TGFB2: variants seen among roughly 807,000 people sequenced by gnomAD.
TGFB2 encodes transforming growth factor beta 2, also known as transforming growth factor beta-2 proprotein.
A neutral mutation model predicts 42.7 loss-of-function variants in TGFB2; 13 were observed. That is an observed-to-expected ratio of 0.30 (90% confidence interval 0.20 to 0.48). The LOEUF is 0.48. TGFB2 is among the 20% of genes least tolerant of loss of function. The pLI is 0.99. For synonymous variants in TGFB2, 193 were observed against 193.6 expected, an observed-to-expected ratio of 1.00 and a Z score of 0.03; for missense variants, 390 against 517.5, an observed-to-expected ratio of 0.75 and a Z score of 2.39.
chr1:218,371,626 C>A (rs1347658860), intron 1 of TGFB2, among the ~76,000 whole-genome samples: 3 of 152,198 alleles, frequency 2.0e-5, no homozygotes, highest in Admixed American at 1.3e-4. Flanking sequence ...GAAACTCAGG[C>A]TTACCTCCAA....
intron 1 of TGFB2, among the ~76,000 whole-genome samples, chr1:218,369,256 GAAA>G (rs34825461): frequency 2.0e-4 from 7 of 35,650 alleles, no homozygotes; most frequent in African/African-American, 2.8e-4. Context: ...TTCCGTCTCA[GAAA>G]AAAAAAAAAA....
At chr1:218,421,270 A>G (rs35561400) in intron 2 of TGFB2, among the ~76,000 whole-genome samples, 1 of 152,144 alleles carries the variant, frequency 6.6e-6, no homozygotes, top group Non-Finnish European at 1.5e-5. Context: ...AGGGTAAAAT[A>G]CAGTATTAAA....
At chr1:218,410,832 T>G (rs758324545) in intron 2 of TGFB2, among the ~76,000 whole-genome samples, 1 of 152,208 alleles carries the variant, frequency 6.6e-6, no homozygotes, top group Non-Finnish European at 1.5e-5. Flanking sequence ...CCCCTGTATG[T>G]ATGATTAAAA....
chr1:218,394,792 T>A (rs1475420998), intron 1 of TGFB2, among the ~76,000 whole-genome samples: 1 of 152,228 alleles, frequency 6.6e-6, no homozygotes, highest in Non-Finnish European at 1.5e-5. Flanking sequence ...GTGTTTGGGA[T>A]GTGGTAGTGA....
chr1:218,374,658 A>G (rs1657683731), intron 1 of TGFB2, among the ~76,000 whole-genome samples: 2 of 152,230 alleles, frequency 1.3e-5, no homozygotes, highest in African/African-American at 2.4e-5. Flanking sequence ...AGCATTCTTC[A>G]TATTACAAGT....
At chr1:218,434,660 A>G (rs1436558749) in intron 4 of TGFB2, among the ~76,000 whole-genome samples, 1 of 152,236 alleles carries the variant, frequency 6.6e-6, no homozygotes, top group African/African-American at 2.4e-5. Flanking sequence ...CTCAATGCCC[A>G]GTGATGACTT....
intron 2 of TGFB2, among the ~76,000 whole-genome samples, chr1:218,409,200 G>A (rs559148137): frequency 1.6e-4 from 24 of 152,306 alleles, no homozygotes; most frequent in African/African-American, 4.3e-4. Flanking sequence ...CCTGCTGTGC[G>A]GCCCGGCTCC....
intron 1 of TGFB2, chr1:218,363,463 C>A: frequency 6.4e-7 from 1 of 1,555,722 alleles, no homozygotes; most frequent in South Asian, 1.1e-5. Context: ...ATAGTTATAT[C>A]AAATCCATCT....
chr1:218,388,821 A>G (rs1344176201), intron 1 of TGFB2, among the ~76,000 whole-genome samples: 1 of 152,192 alleles, frequency 6.6e-6, no homozygotes. Flanking sequence ...CTCTTGTCAG[A>G]GTATCAGTGC....
chr1:218,346,554 T>G lies in TGFB2; in HGVS notation c.-148T>G. On this transcript the variant is annotated 5_prime_UTR_variant, in exon 1 of 7. Transcript: ENST00000366930. The surrounding 1 kb of genome is among the most constrained non-coding windows in gnomAD (Gnocchi z 4.9). The stretch of plus-strand genomic sequence containing the variant: ...GCAGGATACGTTTTTCTGTTGGGCA[T>G]TGACTAGATTGTTTGCAAAAGTTTC... The G allele has an allele frequency of 1.6e-6, 1 of 638,942 alleles. No homozygotes were observed. The allele number at this position is 638,942 out of a possible 1,614,324, so 39.6% of individuals were successfully genotyped here. A position where few individuals can be genotyped will look rare whatever the true frequency, so the allele number is the denominator to read the frequency against.
rs1656712522 is a variant in TGFB2 at position 218,347,108 on chromosome 1, C to T, written c.346+61C>T. ...TAGCTCTGCCCGGAGCTCTCAAAAC[C>T]GCAGCAGCTCCCGGGATCGCCCTTC... On this transcript the variant is annotated intron_variant, in intron 1 of 6. Transcript: ENST00000366930. 4.0e-5 allele frequency: 58 copies of T among 1,461,818 alleles called. No individual in the cohort carries two copies. The South Asian group carries it at 6.5e-4, about 16-fold the overall frequency. The allele number at this position is 1,461,818 out of a possible 1,614,324, so 90.6% of individuals were successfully genotyped here.
intron 1 of TGFB2, among the ~76,000 whole-genome samples, chr1:218,391,858 G>A (rs1395721684): frequency 6.6e-6 from 1 of 152,212 alleles, no homozygotes. Flanking sequence ...TCCACATAAG[G>A]AAGGGGATAG....
chr1:218,442,317 A>G lies in TGFB2; in HGVS notation c.*955A>G, dbSNP rs1660180996. 1.3e-5 allele frequency: 2 copies of G among 152,134 alleles called. 1 individual carries two copies. Among genetic ancestry groups the G allele is most frequent in the South Asian group, 4.1e-4 (2 of 4,836 alleles). 9.4% of individuals were successfully genotyped at this position (152,134 alleles called of 1,614,324 possible). A position where few individuals can be genotyped will look rare whatever the true frequency, so the allele number is the denominator to read the frequency against. ...TTTTGGTATATGTAACCATACCTAT[A>G]TTATTAAAATAGATGGATATAGAAG... On this transcript the variant is annotated 3_prime_UTR_variant, in exon 7 of 7. Transcript: ENST00000366930.
intron 1 of TGFB2, among the ~76,000 whole-genome samples, chr1:218,349,617 C>T (rs1656804791): frequency 6.6e-6 from 1 of 152,182 alleles, no homozygotes; most frequent in Non-Finnish European, 1.5e-5. Context: ...TCAAGTATTA[C>T]AAATATGCTC....
In TGFB2 at chr1:218,346,056, G is replaced by GCACACACACACACACACA. The variant is rs151329324; in HGVS notation, c.-638_-621dup. Among the ~76,000 whole-genome samples the GCACACACACACACACACA allele has an allele frequency of 1.2e-4, 17 of 145,604 alleles. No individual in the cohort carries two copies. The highest frequency in any genetic ancestry group is 4.3e-4 in the African/African-American group (17 of 39,610). On this transcript the variant is annotated 5_prime_UTR_variant, in exon 1 of 7. Transcript: ENST00000366930. This position sits in a 1 kb window ranked among gnomAD's most constrained non-coding sequence, Gnocchi z 4.9. Reference sequence around the variant, plus strand: ...GGGCTCGCCCCCAGCGCGCGCACACGCACACACACACACACACACACACAC... The same window carrying GCACACACACACACACACA: ...GGGCTCGCCCCCAGCGCGCGCACACGCACACACACACACACACACACACACACACACACACACACACAC...
At chr1:218,399,217 G>A (rs895944746) in intron 1 of TGFB2, among the ~76,000 whole-genome samples, 1 of 152,146 alleles carries the variant, frequency 6.6e-6, no homozygotes, top group African/African-American at 2.4e-5. Flanking sequence ...ACAAGAAATT[G>A]CAAAAATAGT....
At chr1:218,377,958 G>T (rs78838381) in intron 1 of TGFB2, among the ~76,000 whole-genome samples, 43 of 149,162 alleles carry the variant, frequency 2.9e-4, no homozygotes, top group African/African-American at 1.1e-3. Flanking sequence ...ATATTATAGT[G>T]TGTTTGTTTG....
intron 1 of TGFB2, among the ~76,000 whole-genome samples, chr1:218,381,246 G>GTTTTTT: frequency 7.6e-6 from 1 of 131,044 alleles, no homozygotes; most frequent in African/African-American, 2.7e-5. Context: ...GCACATTTTT[G>GTTTTTT]TTTTTGTTTT....
At chr1:218,349,995 A>G (rs1258338635) in intron 1 of TGFB2, among the ~76,000 whole-genome samples, 5 of 152,202 alleles carry the variant, frequency 3.3e-5, no homozygotes, top group African/African-American at 1.2e-4. Context: ...AAGTGGAGTT[A>G]TGCTAAGGTT....
Sources: allele counts gnomAD v4.1 joint callset (sites outside exome capture counted in the v4.1 genomes callset), GRCh38; gene constraint gnomAD v4.1.1; non-coding constraint Gnocchi (gnomAD v3.1); transcripts MANE v1.5; gene names NCBI Gene and HGNC (gene_info 2026-07-23, HGNC 2026-07-21).